MAF: variants seen among roughly 807,000 people sequenced by gnomAD.
MAF encodes the protein MAF bZIP transcription factor, also known as transcription factor Maf.
MAF carries 10 observed loss-of-function variants against 22.0 expected under a neutral mutation model. The ratio of observed to expected loss-of-function variants is 0.45; its 90% CI spans 0.28 to 0.77. MAF has a LOEUF of 0.77. MAF is among the 30% of genes least tolerant of loss of function. The probability of loss-of-function intolerance (pLI) is 0.12; values close to 1 mark genes in which losing one functional copy is unlikely to be tolerated. For missense variants in MAF, 544 were observed against 548.4 expected, an observed-to-expected ratio of 0.99 and a Z score of 0.08; for synonymous variants, 337 against 255.8, an observed-to-expected ratio of 1.32 and a Z score of -3.03.
chr16:79,444,157 A>T, the MAF span, among the ~76,000 whole-genome samples: 14 of 152,140 alleles, frequency 9.2e-5, no homozygotes, highest in African/African-American at 3.1e-4. Flanking sequence ...TATGTATTAT[A>T]GTAACATTCC....
the MAF span, among the ~76,000 whole-genome samples, chr16:79,520,176 C>T: frequency 1.3e-5 from 2 of 152,206 alleles, no homozygotes; most frequent in African/African-American, 4.8e-5. Context: ...TTGCCAGCTG[C>T]TCATGTCTTC....
chr16:79,563,307 T>C, the MAF span, among the ~76,000 whole-genome samples: 4 of 152,222 alleles, frequency 2.6e-5, no homozygotes, highest in Non-Finnish European at 4.4e-5. Flanking sequence ...ATGTGGCCAG[T>C]GTGTCTCTAG....
chr16:79,520,951 T>C, the MAF span, among the ~76,000 whole-genome samples: 1 of 152,174 alleles, frequency 6.6e-6, no homozygotes, highest in African/African-American at 2.4e-5. Context: ...CACCATATTT[T>C]AGATGAATAA....
the MAF span, among the ~76,000 whole-genome samples, chr16:79,557,786 T>C: frequency 6.6e-6 from 1 of 152,038 alleles, no homozygotes; most frequent in Non-Finnish European, 1.5e-5. Context: ...GAGTGCTCTC[T>C]GATGGGCAAA....
chr16:79,513,130 C>T, the MAF span, among the ~76,000 whole-genome samples: 1 of 152,262 alleles, frequency 6.6e-6, no homozygotes, highest in African/African-American at 2.4e-5. Context: ...CTCACACTCT[C>T]ACACTGGTCC....
chr16:79,213,360 T>C, the MAF span, among the ~76,000 whole-genome samples: 1 of 152,260 alleles, frequency 6.6e-6, no homozygotes, highest in African/African-American at 2.4e-5. Flanking sequence ...CATCTGGCTA[T>C]AGTCTTCCTT....
intron 1 of MAF, chr16:79,596,124 C>T (rs1361960475): frequency 4.7e-6 from 5 of 1,062,172 alleles, no homozygotes; most frequent in Non-Finnish European, 5.7e-6. Flanking sequence ...TTGTCCGGCT[C>T]CTCTGTCTAT....
chr16:79,317,929 C>T, the MAF span, among the ~76,000 whole-genome samples: 2 of 149,280 alleles, frequency 1.3e-5, no homozygotes, highest in African/African-American at 5.1e-5. Context: ...CACTCACTCA[C>T]TCACTCACTC....
chr16:79,221,998 A>G, the MAF span, among the ~76,000 whole-genome samples: 1 of 152,172 alleles, frequency 6.6e-6, no homozygotes, highest in African/African-American at 2.4e-5. Flanking sequence ...AGTAAAAATA[A>G]TATCATGAGA....
chr16:79,587,834 G>A (rs1267206094), intron 1 of MAF, among the ~76,000 whole-genome samples: 1 of 140,082 alleles, frequency 7.1e-6, no homozygotes, highest in Non-Finnish European at 1.6e-5. Context: ...GCCATCTGGG[G>A]AAACCACCCT....
downstream of MAF, among the ~76,000 whole-genome samples, chr16:79,583,452 A>G (rs1597830003): frequency 6.6e-6 from 1 of 152,196 alleles, no homozygotes; most frequent in East Asian, 1.9e-4. Context: ...CAGGAAAGCT[A>G]CAAATGGGCC....
the MAF span, among the ~76,000 whole-genome samples, chr16:79,396,361 G>A: frequency 2.0e-5 from 3 of 152,298 alleles, no homozygotes; most frequent in Non-Finnish European, 4.4e-5. Flanking sequence ...GAAGAAAAAA[G>A]GGGATGCTCA....
the MAF span, among the ~76,000 whole-genome samples, chr16:79,325,490 G>A: frequency 1.3e-5 from 2 of 152,100 alleles, no homozygotes; most frequent in African/African-American, 2.4e-5. Context: ...CCCACAGCTA[G>A]TAAGTGGAAA....
chr16:79,418,561 A>C, the MAF span, among the ~76,000 whole-genome samples: 1 of 152,292 alleles, frequency 6.6e-6, no homozygotes, highest in Non-Finnish European at 1.5e-5. Flanking sequence ...ATAAAATAAA[A>C]TAAAACAGGA....
downstream of MAF, among the ~76,000 whole-genome samples, chr16:79,588,873 G>A (rs1422436993): frequency 6.6e-6 from 1 of 152,062 alleles, no homozygotes; most frequent in African/African-American, 2.4e-5. Flanking sequence ...AAAATATATT[G>A]GAGTGAATGC....
the MAF span, among the ~76,000 whole-genome samples, chr16:79,227,493 T>A: frequency 1.3e-5 from 2 of 152,078 alleles, no homozygotes; most frequent in African/African-American, 2.4e-5. Flanking sequence ...GAGTTTGACA[T>A]TCTGCCATGG....
chr16:79,217,892 C>T, the MAF span, among the ~76,000 whole-genome samples: 28 of 144,196 alleles, frequency 1.9e-4, no homozygotes, highest in Middle Eastern at 8.3e-3. Context: ...GGCCTGATGA[C>T]GTTCATCAAG....
the MAF span, among the ~76,000 whole-genome samples, chr16:79,372,854 A>G: frequency 1.3e-5 from 2 of 151,818 alleles, no homozygotes; most frequent in Non-Finnish European, 2.9e-5. Flanking sequence ...AGACACTCAT[A>G]CTCACCTATT....
At chr16:79,293,658 C>G in the MAF span, among the ~76,000 whole-genome samples, 1 of 152,128 alleles carries the variant, frequency 6.6e-6, no homozygotes, top group African/African-American at 2.4e-5. Context: ...GATGACCACT[C>G]TTTTTCTCCC....
Sources: gnomAD v4.1 joint callset for allele counts (sites outside exome capture counted in the v4.1 genomes callset) on GRCh38, gnomAD v4.1.1 for gene constraint, MANE v1.5 for transcripts, NCBI Gene and HGNC (gene_info 2026-07-23, HGNC 2026-07-21) for gene names.